The following EML1 variants were observed in gnomAD, a reference collection of about 807,000 sequenced individuals.
EML1 encodes echinoderm microtubule-associated protein-like 1.
Under a neutral mutation model 110.4 loss-of-function variants are expected in EML1, and 27 were observed. That is an observed-to-expected ratio of 0.24 (90% confidence interval 0.18 to 0.34). The LOEUF (loss-of-function observed/expected upper bound fraction) is 0.34, where lower values mean the gene tolerates loss of function less well. Ranked by LOEUF, EML1 falls within the 10% of genes least tolerant of loss-of-function variation. The pLI is 1.00. For missense variants in EML1, 741 were observed against 1,030.9 expected, an observed-to-expected ratio of 0.72 and a Z score of 3.85; for synonymous variants, 344 against 385.8, an observed-to-expected ratio of 0.89 and a Z score of 1.27.
chr14:99,780,451 C>A (rs1595271229), intron 1 of EML1, among the ~76,000 whole-genome samples: 1 of 152,184 alleles, frequency 6.6e-6, no homozygotes, highest in African/African-American at 2.4e-5. Flanking sequence ...TGTACCTCCC[C>A]TTTTCCTATT....
chr14:99,914,034 A>G (rs2059990880), intron 13 of EML1, 145 bp from the exon 14 acceptor site: 8 of 1,026,168 alleles, frequency 7.8e-6, no homozygotes, highest in Middle Eastern at 3.2e-4. Context: ...TGTATATACA[A>G]CATATATATT....
chr14:99,888,499 G>T (rs1220125543), intron 4 of EML1, among the ~76,000 whole-genome samples: 4 of 152,182 alleles, frequency 2.6e-5, no homozygotes, highest in Non-Finnish European at 4.4e-5. Flanking sequence ...TCTGTAATTA[G>T]ATTTGCCTCG....
chr14:99,819,847 C>T (rs891371920), intron 1 of EML1, among the ~76,000 whole-genome samples: 1 of 152,200 alleles, frequency 6.6e-6, no homozygotes, highest in Admixed American at 6.5e-5. Flanking sequence ...GGAGGGCTCA[C>T]GATTACTTTC....
intron 1 of EML1, among the ~76,000 whole-genome samples, chr14:99,817,514 C>T (rs1054014011): frequency 6.6e-6 from 1 of 152,292 alleles, no homozygotes; most frequent in African/African-American, 2.4e-5. Flanking sequence ...CCATGGCTCC[C>T]GCAGCATTAG....
intron 1 of EML1, among the ~76,000 whole-genome samples, chr14:99,823,834 T>C (rs1018442765): frequency 2.0e-5 from 3 of 152,122 alleles, no homozygotes; most frequent in Non-Finnish European, 2.9e-5. Flanking sequence ...TCTCTCTACT[T>C]AAACTGGAGT....
At chr14:99,923,606 A>ACC (rs1566940161) in intron 17 of EML1, among the ~76,000 whole-genome samples, 3 of 151,234 alleles carry the variant, frequency 2.0e-5, no homozygotes, top group African/African-American at 7.3e-5. Context: ...TCGATCAGAA[A>ACC]TGTAAAGGTT....
At chr14:99,935,699 C>T (rs1009580940) in intron 17 of EML1, among the ~76,000 whole-genome samples, 4 of 144,742 alleles carry the variant, frequency 2.8e-5, no homozygotes, top group African/African-American at 5.2e-5. Flanking sequence ...AGGAGAATGG[C>T]GTGAACCCGG....
intron 1 of EML1, among the ~76,000 whole-genome samples, chr14:99,774,680 G>T (rs1302887178): frequency 6.6e-6 from 1 of 152,220 alleles, no homozygotes; most frequent in Non-Finnish European, 1.5e-5. Context: ...GCACCCTTGG[G>T]CGGATGCCCT....
chr14:99,807,738 A>G (rs959915053), intron 1 of EML1, among the ~76,000 whole-genome samples: 1 of 152,172 alleles, frequency 6.6e-6, no homozygotes, highest in South Asian at 2.1e-4. Context: ...GAGAGGGTGG[A>G]GACGGGGTCT....
chr14:99,798,432 G>A (rs548914384), intron 1 of EML1, among the ~76,000 whole-genome samples: 8 of 140,342 alleles, frequency 5.7e-5, no homozygotes, highest in South Asian at 4.5e-4. Context: ...TCACTCTGTC[G>A]CCCAGGCTGG....
chr14:99,899,736 A>G (rs1246330477), intron 8 of EML1, among the ~76,000 whole-genome samples: 2 of 151,476 alleles, frequency 1.3e-5, no homozygotes, highest in Admixed American at 1.3e-4. Flanking sequence ...TTAATGTTAA[A>G]TGGCTTTGAA....
chr14:99,804,045 C>T (rs2057928553), intron 1 of EML1, among the ~76,000 whole-genome samples: 1 of 152,230 alleles, frequency 6.6e-6, no homozygotes, highest in Non-Finnish European at 1.5e-5. Context: ...AGCTCGGCTT[C>T]ACCGAATTAG....
chr14:99,874,899 T>G (rs2059263675), intron 3 of EML1: 1 of 1,595,174 alleles, frequency 6.3e-7, no homozygotes, highest in African/African-American at 1.3e-5. Context: ...CTCACATTTA[T>G]TCTGCTTTAT....
chr14:99,774,475 C>G (rs2057460399), intron 1 of EML1, among the ~76,000 whole-genome samples: 1 of 152,222 alleles, frequency 6.6e-6, no homozygotes. Context: ...CCCGAGTGTA[C>G]CCTTTTTCCT....
At chr14:99,789,963 C>T (rs542829391), upstream of EML1, among the ~76,000 whole-genome samples, 18 of 152,226 alleles carry the variant, frequency 1.2e-4, no homozygotes, top group African/African-American at 4.3e-4. Flanking sequence ...TTGAACTTTC[C>T]CCAAAGATCT....
At chr14:99,794,761 AT>A (rs1341292588) in intron 1 of EML1, among the ~76,000 whole-genome samples, 1 of 152,178 alleles carries the variant, frequency 6.6e-6, no homozygotes, top group Non-Finnish European at 1.5e-5. Context: ...TTTTCTCTGA[AT>A]TTAACGCCAG....
At chr14:99,800,976 C>T (rs2139683092) in intron 1 of EML1, among the ~76,000 whole-genome samples, 1 of 152,334 alleles carries the variant, frequency 6.6e-6, no homozygotes, top group East Asian at 1.9e-4. Context: ...TGCCGAGGCC[C>T]TGCTGTCAGA....
At chr14:99,793,616 C>G (rs1275936888) in intron 1 of EML1, 73 bp downstream of exon 1, 1 of 974,086 alleles carries the variant, frequency 1.0e-6, no homozygotes, top group African/African-American at 1.8e-5. Flanking sequence ...ACGGCGGGGA[C>G]CAAGCCGAGG....
At chr14:99,787,686 G>C (rs2057616272) in intron 1 of EML1, among the ~76,000 whole-genome samples, 1 of 152,128 alleles carries the variant, frequency 6.6e-6, no homozygotes, top group African/African-American at 2.4e-5. Flanking sequence ...CATAGTTCTG[G>C]AGGTCAGAAG....
Sources: gnomAD v4.1 joint callset for allele counts (sites outside exome capture counted in the v4.1 genomes callset) on GRCh38, gnomAD v4.1.1 for gene constraint, MANE v1.5 for transcripts, NCBI Gene and HGNC (gene_info 2026-07-23, HGNC 2026-07-21) for gene names.